Variants in COL6A3 observed in about 807,000 individuals in gnomAD.
COL6A3 encodes collagen alpha-3(VI) chain.
COL6A3 carries 137 observed loss-of-function variants against 274.1 expected under a neutral mutation model. The observed-to-expected ratio is 0.50, with a 90% CI of 0.44 to 0.58. The LOEUF is 0.58. Ranked by LOEUF, COL6A3 falls within the 20% of genes least tolerant of loss-of-function variation. The pLI is 0.00. For missense variants in COL6A3, 3,950 were observed against 4,124.9 expected (o/e 0.96, Z 1.16); for synonymous variants, 1,650 against 1,650.6 (o/e 1.00, Z 0.01).
intron 43 of COL6A3, 30 bp downstream of exon 43, chr2:237,325,529 GA>G (rs1699893096): frequency 1.9e-6 from 3 of 1,613,052 alleles, no homozygotes; most frequent in Non-Finnish European, 2.5e-6. Context: ...CTTATTTGCA[GA>G]AGCCATAAAC....
chr2:237,391,984 C>A (rs1283358608), intron 3 of COL6A3, among the ~76,000 whole-genome samples: 1 of 152,136 alleles, frequency 6.6e-6, no homozygotes, highest in East Asian at 1.9e-4. Flanking sequence ...CTTGGAGACA[C>A]CCAGCTTTTC....
Position 237,350,197 on chromosome 2 carries a change from C to T in COL6A3, c.6829G>A (p.Glu2277Lys), listed in dbSNP as rs2077177378. The T allele has an allele frequency of 6.2e-7, 1 of 1,614,082 alleles. No homozygotes were observed. The change falls in exon 28 of 44, where the codon GAG becomes AAG. Residue 2277 changes from glutamate (E) to lysine (K), a missense_variant. Glu to Lys is a moderately conservative substitution (Grantham distance 56). Transcript: ENST00000295550. ...CCGATTCCTCCTTTTGGTCCTGGCT[C>T]TCCGGGCTCACCCTAGACATGAGAA... ...GPLGRKGEPG[E>K]PGPKGGIGNR...
At chr2:237,382,185 C>T (rs1413818608) in intron 4 of COL6A3, among the ~76,000 whole-genome samples, 4 of 152,084 alleles carry the variant, frequency 2.6e-5, no homozygotes, top group African/African-American at 7.2e-5. Flanking sequence ...GAGCTCAAGA[C>T]CAGCCTGGCC....
At chr2:237,338,007 C>T (rs889774042) in intron 39 of COL6A3, among the ~76,000 whole-genome samples, 2 of 152,192 alleles carry the variant, frequency 1.3e-5, no homozygotes, top group Admixed American at 6.5e-5. Context: ...CCTTCTTTTA[C>T]GTAATCATTT....
intron 26 of COL6A3, 145 bp downstream of exon 26, chr2:237,352,377 G>C: frequency 1.2e-6 from 1 of 816,340 alleles, no homozygotes; most frequent in Non-Finnish European, 2.1e-6. Flanking sequence ...CAAGGCCTGA[G>C]GTTAAATCTG....
chr2:237,379,275 C>CCA, intron 5 of COL6A3, 40 bp from the exon 6 acceptor site: 1 of 1,613,716 alleles, frequency 6.2e-7, no homozygotes, highest in Non-Finnish European at 8.5e-7. Context: ...ACATACACAA[C>CCA]CACGGAGAGT....
chr2:237,334,667 C>T lies in COL6A3; in HGVS notation c.9188G>A (p.Arg3063Lys), dbSNP rs763778704. The T allele has an allele frequency of 2.5e-6, 4 of 1,613,730 alleles. No individual in the cohort carries two copies. The South Asian group carries it at 3.3e-5, about 13-fold the overall frequency. The part of the protein sequence containing the change: ...TYHVAVVCYL[R>K]SQVRATYHGS... ...GTGGTAGGTGGCTCTGACCTGAGAC[C>T]TCAGGTAGCAGACCACAGCCACATG... is the stretch of plus-strand genomic sequence containing the variant. Residue 3063 changes from arginine to lysine, a missense_variant, in exon 41 of 44, where the codon AGG becomes AAG. Arg to Lys is a conservative substitution (Grantham distance 26, BLOSUM62 2). This residue lies in a region of COL6A3 where 1,284 missense variants were observed against 1,349.7 expected (regional missense o/e 0.95). Coordinates refer to ENST00000295550, the MANE Select transcript of COL6A3 (RefSeq NM_004369.4).
chr2:237,345,286 G>C, intron 32 of COL6A3, 73 bp from the exon 33 acceptor site: 2 of 1,466,970 alleles, frequency 1.4e-6, no homozygotes, highest in Non-Finnish European at 1.9e-6. Context: ...TTGGCCCCCA[G>C]AAATACACAG....
intron 3 of COL6A3, among the ~76,000 whole-genome samples, chr2:237,389,694 C>T (rs1235136965): frequency 6.6e-6 from 1 of 152,178 alleles, no homozygotes; most frequent in Non-Finnish European, 1.5e-5. Context: ...TCTTCCCTTC[C>T]TAATATACAA....
At chr2:237,337,621 G>A (rs1019740539) in intron 39 of COL6A3, among the ~76,000 whole-genome samples, 4 of 152,182 alleles carry the variant, frequency 2.6e-5, no homozygotes, top group East Asian at 3.9e-4. Context: ...ATCTGTGTAC[G>A]AAGTTCAGAA....
Position 237,379,046 on chromosome 2 carries a change from T to A in COL6A3, c.2087A>T (p.Tyr696Phe), listed in dbSNP as rs367690192. The A allele has an allele frequency of 1.2e-6, 2 of 1,614,228 alleles. No individual in the cohort carries two copies. The highest frequency in any genetic ancestry group is 2.2e-5 in the East Asian group (1 of 44,878). Residue 696 changes from tyrosine (Y) to phenylalanine (F), a missense_variant, in exon 6 of 44, where the codon TAC becomes TTC. Tyr to Phe is a conservative substitution (Grantham distance 22, BLOSUM62 3). Transcript: ENST00000295550. ...TPVTEFSLNT[Y>F]QTKSDILGHL... is the part of the protein sequence containing the mutation. ...ACCAAGGATATCTGACTTGGTCTGG[T>A]ATGTGTTTAAAGAGAACTCCGTTAC... is the stretch of plus-strand genomic sequence containing the variant.
In COL6A3 at chr2:237,364,832, G is replaced by GGTGTGTGGGTGTACAT. The variant is rs2077514304; in HGVS notation, c.5839-420_5839-405dup. Among the ~76,000 whole-genome samples, 2 of 145,430 alleles carry GGTGTGTGGGTGTACAT rather than the reference G, an allele frequency of 1.4e-5. No individual in the cohort carries two copies. The highest frequency in any genetic ancestry group is 1.4e-4 in the Admixed American group (2 of 14,256). ...GTGTGCACGTGTGTGTGCATGTGTG[G>GGTGTGTGGGTGTACAT]GTGTGTGGGTGTACATGTGTGTGGG... On this transcript the variant is annotated intron_variant, in intron 12 of 43. Coordinates refer to ENST00000295550, the MANE Select transcript of COL6A3 (RefSeq NM_004369.4). The surrounding 1 kb of genome is among the most constrained non-coding windows in gnomAD (Gnocchi z 4.6).
In COL6A3 at chr2:237,362,647, C is replaced by T. The variant is rs550353944; in HGVS notation, c.6063+606G>A. On this transcript the variant is annotated intron_variant, in intron 14 of 43. Transcript: ENST00000295550. ...TCCTCCCATTCTCATAGCCACAGTC[C>T]ACTGTTGCTACCATCAAAGAATCTC... Among the ~76,000 whole-genome samples the T allele has an allele frequency of 5.3e-5, 8 of 152,210 alleles. No individual in the cohort carries two copies. The East Asian group carries it at 9.7e-4, about 18-fold the overall frequency.
chr2:237,352,670 C>A, intron 25 of COL6A3, 86 bp from the exon 26 acceptor site: 1 of 1,303,992 alleles, frequency 7.7e-7, no homozygotes, highest in Non-Finnish European at 1.1e-6. Context: ...TCCCACAGGG[C>A]CTGGAACCTC....
chr2:237,358,207 C>T (rs971165162), intron 21 of COL6A3, among the ~76,000 whole-genome samples: 4 of 152,204 alleles, frequency 2.6e-5, no homozygotes, highest in Admixed American at 2.0e-4. Flanking sequence ...TTTGCTTAAA[C>T]GTTTTACAGA....
chr2:237,399,069 C>T (rs933575529), intron 1 of COL6A3, among the ~76,000 whole-genome samples: 14 of 152,154 alleles, frequency 9.2e-5, no homozygotes, highest in African/African-American at 3.1e-4. Flanking sequence ...TATTCAGACA[C>T]CTTGGTGCTC....
chr2:237,360,106 C>T lies in COL6A3; in HGVS notation c.6264G>A (p.Pro2088=), dbSNP rs1156803322. The change falls in exon 17 of 44, where the codon CCG becomes CCA. Residue 2088 remains proline, a synonymous_variant. Transcript: ENST00000295550. The stretch of plus-strand genomic sequence containing the variant: ...GCCTCACCTTTACTCCTCTCTGGCC[C>T]GGGCAGCCCTGGAAACCTTGAGTGC... ...VNGTQGFQGC[P]GQRGVKGSRG... is the part of the protein sequence containing the mutation. 3.7e-6 allele frequency: 6 copies of T among 1,614,048 alleles called. No homozygotes were observed. Among genetic ancestry groups the T allele is most frequent in the East Asian group, 4.5e-5 (2 of 44,882 alleles).
At chr2:237,355,052 A>G (rs2077289870) in intron 23 of COL6A3, 118 bp from the exon 24 acceptor site, 1 of 950,770 alleles carries the variant, frequency 1.1e-6, no homozygotes, top group Non-Finnish European at 1.6e-6. Context: ...AATCTTCCCA[A>G]GCACCCACAT....
At position 237,364,638 on chromosome 2, in the gene COL6A3, A is replaced by G. The variant is rs189159508; in HGVS notation, c.5839-210T>C. On this transcript the variant is annotated intron_variant, in intron 12 of 43. Coordinates refer to ENST00000295550, the MANE Select transcript of COL6A3 (RefSeq NM_004369.4). This position sits in a 1 kb window ranked among gnomAD's most constrained non-coding sequence, Gnocchi z 4.6. ...TATATTTGAGTGCTTAATTTATTTT[A>G]AAAAAGACAAGCAGCAATGACAATA... Among the ~76,000 whole-genome samples the G allele has an allele frequency of 2.6e-5, 4 of 152,230 alleles. No homozygotes were observed. The highest frequency in any genetic ancestry group is 4.8e-5 in the African/African-American group (2 of 41,464).
Sources: gnomAD v4.1 joint callset for allele counts (sites outside exome capture counted in the v4.1 genomes callset) on GRCh38, gnomAD v4.1.1 for gene constraint, gnomAD v4.1.1 regional missense constraint, Gnocchi (gnomAD v3.1) non-coding constraint, MANE v1.5 for transcripts, NCBI Gene and HGNC (gene_info 2026-07-23, HGNC 2026-07-21) for gene names.